STX7: variants seen among roughly 807,000 people sequenced by gnomAD.
The protein encoded by STX7 is syntaxin-7.
In STX7, 34 loss-of-function variants were observed where a neutral mutation model predicts 39.6. That is an observed-to-expected ratio of 0.86 (90% CI 0.65 to 1.14). The LOEUF (loss-of-function observed/expected upper bound fraction) is 1.14, where lower values mean the gene tolerates loss of function less well. Among genes scored for constraint, STX7 ranks in the 50% most tolerant of loss-of-function variants. The probability of loss-of-function intolerance (pLI) is 0.00; values close to 1 mark genes in which losing one functional copy is unlikely to be tolerated. For missense variants in STX7, 284 were observed against 310.4 expected, an observed-to-expected ratio of 0.92 and a Z score of 0.64; for synonymous variants, 119 against 99.1, an observed-to-expected ratio of 1.20 and a Z score of -1.19.
chr6:132,481,060 AG>A (rs1775003687), intron 2 of STX7, among the ~76,000 whole-genome samples: 2 of 152,224 alleles, frequency 1.3e-5, no homozygotes, highest in African/African-American at 4.8e-5. Flanking sequence ...CATTGGCTAC[AG>A]GAACTGAATA....
chr6:132,460,262 T>C lies in STX7; in HGVS notation c.*496A>G, dbSNP rs1200471158. On this transcript the variant is annotated 3_prime_UTR_variant, in exon 10 of 10. Coordinates refer to ENST00000367941, the MANE Select transcript of STX7 (RefSeq NM_003569.3). ...CAAAAAAATGAAAGACACTTTGTGC[T>C]GTTGTGAACCAGAAAAATACAACCC... 1 of 152,248 alleles carries C rather than the reference T, an allele frequency of 6.6e-6. No homozygotes were observed. The highest frequency in any genetic ancestry group is 1.5e-5 in the Non-Finnish European group (1 of 68,062). 9.4% of individuals were successfully genotyped at this position (152,248 alleles called of 1,614,324 possible). A position where few individuals can be genotyped will look rare whatever the true frequency, so the allele number is the denominator to read the frequency against.
chr6:132,503,123 G>A (rs1261055163), intron 2 of STX7, among the ~76,000 whole-genome samples: 2 of 152,128 alleles, frequency 1.3e-5, no homozygotes, highest in Non-Finnish European at 2.9e-5. Flanking sequence ...CTATGAGACT[G>A]AGTCATCAGG....
At position 132,478,434 on chromosome 6, in the gene STX7, C is replaced by T. The variant is rs143168961; in HGVS notation, c.86-2772G>A. On this transcript the variant is annotated intron_variant, in intron 2 of 9. Coordinates refer to ENST00000367941, the MANE Select transcript of STX7 (RefSeq NM_003569.3). ...TTCTGAACAGATATACTGAGCAACC[C>T]CCAGTTCTCACTCATACTCCCTGAG... 8.0e-4 allele frequency among the ~76,000 whole-genome samples: 122 copies of T among 152,164 alleles called. 1 individual carries two copies. Among genetic ancestry groups the T allele is most frequent in the Middle Eastern group, 3.4e-3 (1 of 294 alleles).
intron 3 of STX7, among the ~76,000 whole-genome samples, chr6:132,473,789 T>C (rs562027236): frequency 6.0e-4 from 91 of 152,242 alleles, no homozygotes; most frequent in African/African-American, 2.1e-3. Flanking sequence ...TAATGAGATA[T>C]TGTATAAGAA....
intron 2 of STX7, among the ~76,000 whole-genome samples, chr6:132,488,422 T>G (rs1775195423): frequency 6.6e-6 from 1 of 152,208 alleles, no homozygotes; most frequent in Admixed American, 6.5e-5. Flanking sequence ...CTTTGAATCT[T>G]CTGTATCCTG....
At chr6:132,487,314 C>T (rs1472673635) in intron 2 of STX7, among the ~76,000 whole-genome samples, 1 of 152,100 alleles carries the variant, frequency 6.6e-6, no homozygotes, top group African/African-American at 2.4e-5. Context: ...AAAATGAGTT[C>T]ATGTCCTTTG....
chr6:132,507,237 G>A (rs1367226694), intron 1 of STX7, among the ~76,000 whole-genome samples: 1 of 152,230 alleles, frequency 6.6e-6, no homozygotes, highest in Admixed American at 6.5e-5. Context: ...CAGACTTCAC[G>A]CTATGCAATA....
At chr6:132,471,639 T>C in intron 4 of STX7, 39 bp from the exon 5 acceptor site, 1 of 1,598,870 alleles carries the variant, frequency 6.3e-7, no homozygotes, top group Non-Finnish European at 8.5e-7. Flanking sequence ...AGAATCTAGC[T>C]GTGAAGTTCA....
intron 1 of STX7, among the ~76,000 whole-genome samples, chr6:132,509,372 A>AGG (rs1227461317): frequency 2.6e-5 from 4 of 151,928 alleles, no homozygotes; most frequent in Non-Finnish European, 4.4e-5. Context: ...CAATCGCTTG[A>AGG]ACCCAGGAGG....
intron 2 of STX7, among the ~76,000 whole-genome samples, chr6:132,492,597 C>A (rs922165039): frequency 7.2e-5 from 11 of 152,098 alleles, no homozygotes; most frequent in African/African-American, 2.7e-4. Context: ...ACAGCATGAT[C>A]CAAATACACC....
At chr6:132,489,720 T>G (rs1179820175) in intron 2 of STX7, among the ~76,000 whole-genome samples, 2 of 152,136 alleles carry the variant, frequency 1.3e-5, no homozygotes, top group Non-Finnish European at 2.9e-5. Context: ...GTGCTCCCCT[T>G]CCCAGCACAG....
At chr6:132,473,763 T>C (rs1774799022) in intron 3 of STX7, among the ~76,000 whole-genome samples, 1 of 152,112 alleles carries the variant, frequency 6.6e-6, no homozygotes, top group African/African-American at 2.4e-5. Context: ...CTGGTCACAC[T>C]TGGGGTCCTT....
Position 132,446,886 on chromosome 6 carries a change from T to G in STX7, c.*13872A>C, listed in dbSNP as rs535022880. 2.0e-5 allele frequency: 3 copies of G among 152,274 alleles called. No homozygotes were observed. In the South Asian group the frequency reaches 6.2e-4, roughly 32 times the overall value. The allele number at this position is 152,274 out of a possible 1,614,324, so 9.4% of individuals were successfully genotyped here. A position where few individuals can be genotyped will look rare whatever the true frequency, so the allele number is the denominator to read the frequency against. The stretch of plus-strand genomic sequence containing the variant: ...TATGTAAAGCAGTGCCTATCATTTC[T>G]GCAGTTAGGATGGAGTCAATTCCAT... On this transcript the variant is annotated 3_prime_UTR_variant, in exon 10 of 10. Transcript: ENST00000367941.
rs1332941146 is a variant in STX7 at position 132,450,194 on chromosome 6, G to A, written c.*10564C>T. 2 of 152,112 alleles carry A rather than the reference G, an allele frequency of 1.3e-5. No individual in the cohort carries two copies. The allele number at this position is 152,112 out of a possible 1,614,324, so 9.4% of individuals were successfully genotyped here. A position where few individuals can be genotyped will look rare whatever the true frequency, so the allele number is the denominator to read the frequency against. ...GAAATGAACTAATATTATGTGTGTT[G>A]TATTTTATCCAAGAACTAACTGTAT... is the stretch of plus-strand genomic sequence containing the variant. On this transcript the variant is annotated 3_prime_UTR_variant, in exon 10 of 10. Transcript: ENST00000367941.
chr6:132,490,917 C>A (rs1165156958), intron 2 of STX7, among the ~76,000 whole-genome samples: 1 of 151,668 alleles, frequency 6.6e-6, no homozygotes, highest in Admixed American at 6.6e-5. Context: ...CCCTCCTACA[C>A]CAGGCTAGGG....
intron 7 of STX7, 69 bp downstream of exon 7, chr6:132,469,882 A>G: frequency 7.7e-7 from 1 of 1,295,610 alleles, no homozygotes; most frequent in Non-Finnish European, 1.1e-6. Context: ...TCCCAGCATT[A>G]CCTAAGCATC....
chr6:132,486,027 T>C (rs916924981), intron 2 of STX7, among the ~76,000 whole-genome samples: 2 of 152,234 alleles, frequency 1.3e-5, no homozygotes, highest in African/African-American at 2.4e-5. Context: ...ATTGCCAGTA[T>C]AGAGAAATAC....
intron 2 of STX7, among the ~76,000 whole-genome samples, chr6:132,485,496 T>C (rs765902504): frequency 1.3e-5 from 2 of 152,206 alleles, no homozygotes; most frequent in Non-Finnish European, 2.9e-5. Flanking sequence ...CAAGTCTTTG[T>C]ATGGGCATAT....
chr6:132,471,114 G>C (rs1052547365), intron 5 of STX7, among the ~76,000 whole-genome samples: 4 of 152,180 alleles, frequency 2.6e-5, no homozygotes, highest in Admixed American at 6.6e-5. Flanking sequence ...AATCCAGGAG[G>C]AAAGTGCTTT....
Sources: gnomAD v4.1 joint callset for allele counts (sites outside exome capture counted in the v4.1 genomes callset) on GRCh38, gnomAD v4.1.1 for gene constraint, MANE v1.5 for transcripts, NCBI Gene and HGNC (gene_info 2026-07-23, HGNC 2026-07-21) for gene names.